FAT4: variants seen among roughly 807,000 people sequenced by gnomAD.
FAT4 encodes FAT atypical cadherin 4, also known as protocadherin Fat 4.
FAT4 carries 84 observed loss-of-function variants against 303.9 expected under a neutral mutation model. That is an observed-to-expected ratio of 0.28 (90% confidence interval 0.23 to 0.33). The LOEUF (loss-of-function observed/expected upper bound fraction) is 0.33. FAT4 is among the 10% of genes least tolerant of loss of function. FAT4 has a pLI of 1.00. For synonymous variants in FAT4, 2,307 were observed against 2,298.8 expected, an observed-to-expected ratio of 1.00 and a Z score of -0.10; for missense variants, 6,005 against 6,146.8, an observed-to-expected ratio of 0.98 and a Z score of 0.77.
At chr4:125,375,457 T>C (rs1278079869) in intron 2 of FAT4, among the ~76,000 whole-genome samples, 2 of 152,238 alleles carry the variant, frequency 1.3e-5, no homozygotes, top group African/African-American at 4.8e-5. Context: ...CTTATCGTCA[T>C]GTCACTGACA....
chr4:125,390,748 C>T (rs1016131574), intron 2 of FAT4, among the ~76,000 whole-genome samples: 1 of 152,142 alleles, frequency 6.6e-6, no homozygotes, highest in Non-Finnish European at 1.5e-5. Flanking sequence ...TTTAGTGTAG[C>T]AGCTTTTGAA....
At chr4:125,382,843 T>G (rs779821024) in intron 2 of FAT4, among the ~76,000 whole-genome samples, 4 of 152,236 alleles carry the variant, frequency 2.6e-5, no homozygotes, top group Non-Finnish European at 4.4e-5. Flanking sequence ...GATATCTTCT[T>G]GCAGCTTGTA....
At chr4:125,350,441 A>AT (rs1177431849) in intron 2 of FAT4, among the ~76,000 whole-genome samples, 1 of 151,736 alleles carries the variant, frequency 6.6e-6, no homozygotes, top group Non-Finnish European at 1.5e-5. Flanking sequence ...CTTAATGCTG[A>AT]TTTTTTTAAA....
chr4:125,378,200 C>A (rs545738395), intron 2 of FAT4, among the ~76,000 whole-genome samples: 1 of 152,052 alleles, frequency 6.6e-6, no homozygotes, highest in African/African-American at 2.4e-5. Flanking sequence ...CTTCTAAAAT[C>A]TAAACTGTTT....
chr4:125,361,874 C>G (rs1732686485), intron 2 of FAT4, among the ~76,000 whole-genome samples: 1 of 152,084 alleles, frequency 6.6e-6, no homozygotes. Context: ...CTCCAGTTAT[C>G]CATTAAGCAC....
intron 2 of FAT4, among the ~76,000 whole-genome samples, chr4:125,370,704 G>T (rs2125991299): frequency 6.6e-6 from 1 of 152,270 alleles, no homozygotes; most frequent in South Asian, 2.1e-4. Flanking sequence ...AGTTTCACTG[G>T]TGATATGGGG....
At chr4:125,402,107 A>T in intron 3 of FAT4, among the ~76,000 whole-genome samples, 1 of 152,002 alleles carries the variant, frequency 6.6e-6, no homozygotes, top group East Asian at 1.9e-4. Context: ...GATTTTGAAT[A>T]TGAAAAAGAT....
intron 6 of FAT4, 39 bp from the exon 7 acceptor site, chr4:125,416,409 G>A: frequency 1.3e-6 from 2 of 1,510,934 alleles, no homozygotes; most frequent in Non-Finnish European, 1.8e-6. Flanking sequence ...GAGATGCATT[G>A]TTTGTTTTAC....
intron 2 of FAT4, among the ~76,000 whole-genome samples, chr4:125,349,242 A>G (rs1732127250): frequency 6.6e-6 from 1 of 151,828 alleles, no homozygotes; most frequent in Non-Finnish European, 1.5e-5. Context: ...GCTAACAATT[A>G]TAGTTGAGAG....
At chr4:125,371,043 G>T (rs1456974101) in intron 2 of FAT4, among the ~76,000 whole-genome samples, 1 of 151,268 alleles carries the variant, frequency 6.6e-6, no homozygotes, top group African/African-American at 2.4e-5. Context: ...AGCTACTTGG[G>T]AGACTGAGGC....
chr4:125,442,827 A>C (rs1296194637), intron 8 of FAT4, among the ~76,000 whole-genome samples: 1 of 152,128 alleles, frequency 6.6e-6, no homozygotes, highest in East Asian at 1.9e-4. Flanking sequence ...ATTACGTTAT[A>C]CATATATATT....
At chr4:125,333,313 C>A (rs183788083) in intron 2 of FAT4, among the ~76,000 whole-genome samples, 20 of 152,182 alleles carry the variant, frequency 1.3e-4, no homozygotes, top group Admixed American at 5.2e-4. Context: ...TAATAGAATT[C>A]GTCCCACAGA....
intron 2 of FAT4, among the ~76,000 whole-genome samples, chr4:125,386,544 A>G (rs754251626): frequency 4.6e-5 from 7 of 152,220 alleles, no homozygotes; most frequent in Non-Finnish European, 8.8e-5. Context: ...TGCTGGGATT[A>G]TAGGTGTGAG....
rs1377284241 is a variant in FAT4 at position 125,479,846 on chromosome 4, T to G, written c.12585T>G (p.Thr4195=). Reference sequence around the variant, plus strand: ...AGTGTCATTGCAAAGAGGGACTCACTGGGAAATACTGTGAAAAATGTATGT... The same window carrying G: ...AGTGTCATTGCAAAGAGGGACTCACGGGGAAATACTGTGAAAAATGTATGT... ...WQQCHCKEGL[T]GKYCEKSVTP... Residue 4195 remains threonine, a synonymous_variant, in exon 15 of 18, where the codon ACT becomes ACG. Transcript: ENST00000394329. 1.3e-6 allele frequency: 2 copies of G among 1,593,488 alleles called. No individual in the cohort carries two copies. Among genetic ancestry groups the G allele is most frequent in the Non-Finnish European group, 1.7e-6 (2 of 1,166,086 alleles).
intron 2 of FAT4, among the ~76,000 whole-genome samples, chr4:125,353,593 A>G (rs1157146075): frequency 2.0e-5 from 3 of 151,634 alleles, no homozygotes; most frequent in African/African-American, 7.2e-5. Context: ...AGAGTAAAAC[A>G]GTGCTGTAGC....
intron 2 of FAT4, among the ~76,000 whole-genome samples, chr4:125,366,089 C>A (rs1732874500): frequency 6.6e-6 from 1 of 152,172 alleles, no homozygotes; most frequent in African/African-American, 2.4e-5. Flanking sequence ...CTCTGTGGAA[C>A]AATTGTCTTC....
Position 125,415,153 on chromosome 4 carries a change from C to T in FAT4, c.6190C>T (p.Pro2064Ser), listed in dbSNP as rs1250893392. 1.2e-6 allele frequency: 2 copies of T among 1,613,934 alleles called. No homozygotes were observed. Among genetic ancestry groups the T allele is most frequent in the Non-Finnish European group, 1.7e-6 (2 of 1,179,992 alleles). ...ATTGACATACATTCCAGAAAATACA[C>T]CTATTGATACTGTTGTTTTCAAAGC... The part of the protein sequence containing the change: ...PKLTYIPENT[P>S]IDTVVFKAQA... Residue 2064 changes from proline to serine, a missense_variant, in exon 6 of 18, where the codon CCT (proline) becomes TCT (serine). By Grantham distance (74) the Pro-to-Ser change is moderately conservative (BLOSUM62 -1). Transcript: ENST00000394329.
chr4:125,436,551 A>AT (rs1303805545), intron 8 of FAT4, among the ~76,000 whole-genome samples: 2 of 152,184 alleles, frequency 1.3e-5, no homozygotes, highest in Non-Finnish European at 2.9e-5. Flanking sequence ...GTCTGTTCTC[A>AT]TGCTGCTAAT....
intron 5 of FAT4, among the ~76,000 whole-genome samples, chr4:125,412,573 A>G (rs898633607): frequency 6.6e-6 from 1 of 151,844 alleles, no homozygotes; most frequent in Non-Finnish European, 1.5e-5. Flanking sequence ...TTTTGCCTTT[A>G]TAAAAGAGGC....
Sources: allele counts gnomAD v4.1 joint callset (sites outside exome capture counted in the v4.1 genomes callset), GRCh38; gene constraint gnomAD v4.1.1; transcripts MANE v1.5; gene names NCBI Gene and HGNC (gene_info 2026-07-23, HGNC 2026-07-21).